The following PDZRN4 variants were observed in gnomAD, a reference collection of about 807,000 sequenced individuals.
The protein encoded by PDZRN4 is PDZ domain-containing RING finger protein 4.
Under a neutral mutation model 99.0 loss-of-function variants are expected in PDZRN4, and 70 were observed. The ratio of observed to expected loss-of-function variants is 0.71; its 90% confidence interval spans 0.58 to 0.86. PDZRN4 has a LOEUF of 0.86. Ranked by LOEUF, PDZRN4 falls within the 40% of genes least tolerant of loss-of-function variation. PDZRN4 has a pLI of 0.00. For synonymous variants in PDZRN4, 551 were observed against 501.6 expected (o/e 1.10, Z -1.32); for missense variants, 1,474 against 1,331.2 (o/e 1.11, Z -1.67).
intron 3 of PDZRN4, among the ~76,000 whole-genome samples, chr12:41,297,643 A>T (rs1951504871): frequency 6.6e-6 from 1 of 152,188 alleles, no homozygotes; most frequent in Non-Finnish European, 1.5e-5. Context: ...ACCAAGTGCC[A>T]CTGGAGGGAC....
At chr12:41,337,889 G>A (rs1412431658) in intron 3 of PDZRN4, among the ~76,000 whole-genome samples, 10 of 152,012 alleles carry the variant, frequency 6.6e-5, no homozygotes, top group Middle Eastern at 3.2e-3. Context: ...CCTCATAGAG[G>A]CCACAAGATC....
intron 3 of PDZRN4, among the ~76,000 whole-genome samples, chr12:41,398,463 A>T (rs1952266284): frequency 6.6e-6 from 1 of 152,084 alleles, no homozygotes; most frequent in African/African-American, 2.4e-5. Context: ...AAAGACCTTG[A>T]TCTGTTCTCC....
chr12:41,376,319 T>G (rs190968833), intron 3 of PDZRN4, among the ~76,000 whole-genome samples: 78 of 152,274 alleles, frequency 5.1e-4, no homozygotes, highest in African/African-American at 1.8e-3. Flanking sequence ...TCCATAATGG[T>G]TGTACCAATT....
At chr12:41,272,425 A>G (rs543162295) in intron 3 of PDZRN4, among the ~76,000 whole-genome samples, 1 of 152,206 alleles carries the variant, frequency 6.6e-6, no homozygotes, top group South Asian at 2.1e-4. Context: ...TCCTAAAGTG[A>G]CCTGTTTGAC....
chr12:41,340,100 A>C (rs780557636), intron 3 of PDZRN4, among the ~76,000 whole-genome samples: 36 of 152,206 alleles, frequency 2.4e-4, no homozygotes, highest in Admixed American at 4.6e-4. Context: ...AAAGGAAATA[A>C]GTTTATCAAA....
At chr12:41,568,839 C>G (rs1369184972) in intron 9 of PDZRN4, among the ~76,000 whole-genome samples, 1 of 151,300 alleles carries the variant, frequency 6.6e-6, no homozygotes, top group Non-Finnish European at 1.5e-5. Flanking sequence ...GAATCTTGCT[C>G]TGTCGCTCAG....
At chr12:41,237,264 A>C (rs1429306338) in intron 3 of PDZRN4, among the ~76,000 whole-genome samples, 1 of 152,166 alleles carries the variant, frequency 6.6e-6, no homozygotes, top group Non-Finnish European at 1.5e-5. Context: ...TAATTATTTC[A>C]TAATATTTTA....
At chr12:41,251,126 G>T (rs1466822503) in intron 3 of PDZRN4, among the ~76,000 whole-genome samples, 5 of 152,050 alleles carry the variant, frequency 3.3e-5, no homozygotes, top group African/African-American at 1.2e-4. Context: ...GTTTTTTTCT[G>T]CAGCTGATCT....
intron 3 of PDZRN4, among the ~76,000 whole-genome samples, chr12:41,195,193 A>G (rs1340910462): frequency 6.6e-6 from 1 of 152,184 alleles, no homozygotes; most frequent in East Asian, 1.9e-4. Context: ...TAACTGGTTA[A>G]GATAATATTA....
chr12:41,348,967 A>G (rs1198698119), intron 3 of PDZRN4, among the ~76,000 whole-genome samples: 1 of 152,040 alleles, frequency 6.6e-6, no homozygotes, highest in Non-Finnish European at 1.5e-5. Flanking sequence ...TATTTTTCAT[A>G]TAAATATTTT....
intron 3 of PDZRN4, among the ~76,000 whole-genome samples, chr12:41,374,224 A>G (rs1348135296): frequency 6.6e-6 from 1 of 152,160 alleles, no homozygotes; most frequent in Non-Finnish European, 1.5e-5. Flanking sequence ...ACAGTGAGAA[A>G]TCATGTTAGT....
At chr12:41,517,956 T>A (rs1249834048) in intron 5 of PDZRN4, among the ~76,000 whole-genome samples, 2 of 152,044 alleles carry the variant, frequency 1.3e-5, no homozygotes, top group Non-Finnish European at 2.9e-5. Context: ...ATTTACCAAT[T>A]TGAAATGGAA....
chr12:41,569,005 A>G (rs1392610627), intron 9 of PDZRN4, among the ~76,000 whole-genome samples: 1 of 151,364 alleles, frequency 6.6e-6, no homozygotes, highest in Non-Finnish European at 1.5e-5. Flanking sequence ...GGGTTTCACC[A>G]TGTTGGTCAG....
chr12:41,454,461 A>G (rs1952801916), intron 3 of PDZRN4, among the ~76,000 whole-genome samples: 1 of 152,264 alleles, frequency 6.6e-6, no homozygotes, highest in South Asian at 2.1e-4. Context: ...AAAATGAAAT[A>G]AATGTGGCCA....
chr12:41,203,353 G>A (rs1950829257), intron 3 of PDZRN4, among the ~76,000 whole-genome samples: 1 of 151,980 alleles, frequency 6.6e-6, no homozygotes, highest in Non-Finnish European at 1.5e-5. Context: ...AATGGTACTT[G>A]AAAGGACTCT....
chr12:41,289,563 T>C (rs1951443436), intron 3 of PDZRN4, among the ~76,000 whole-genome samples: 4 of 152,162 alleles, frequency 2.6e-5, no homozygotes, highest in African/African-American at 9.7e-5. Flanking sequence ...CTAAGGAAAC[T>C]AGAATTTATG....
intron 3 of PDZRN4, among the ~76,000 whole-genome samples, chr12:41,355,304 C>T (rs577422981): frequency 1.3e-5 from 2 of 152,088 alleles, no homozygotes; most frequent in East Asian, 1.9e-4. Flanking sequence ...ACGAGTGGGG[C>T]GGTGATGACA....
intron 3 of PDZRN4, among the ~76,000 whole-genome samples, chr12:41,307,524 G>A (rs1431127681): frequency 6.6e-6 from 1 of 151,992 alleles, no homozygotes; most frequent in Non-Finnish European, 1.5e-5. Flanking sequence ...TGGAGATTAG[G>A]GCTTCAACAT....
chr12:41,235,179 T>C (rs1279953483), intron 3 of PDZRN4, among the ~76,000 whole-genome samples: 4 of 152,152 alleles, frequency 2.6e-5, no homozygotes, highest in Non-Finnish European at 5.9e-5. Flanking sequence ...GTTGTTCAGA[T>C]ATAAACTTTT....
Sources: allele counts gnomAD v4.1 joint callset (sites outside exome capture counted in the v4.1 genomes callset), GRCh38; gene constraint gnomAD v4.1.1; transcripts MANE v1.5; gene names NCBI Gene and HGNC (gene_info 2026-07-23, HGNC 2026-07-21).